Variants in EPHA6 observed in about 807,000 individuals in gnomAD.
The protein encoded by EPHA6 is EPH receptor A6, also known as ephrin type-A receptor 6.
EPHA6 carries 50 observed loss-of-function variants against 112.0 expected under a neutral mutation model. The observed-to-expected ratio is 0.45, with a 90% CI of 0.36 to 0.56. The LOEUF is 0.56. Ranked by LOEUF, EPHA6 falls within the 20% of genes least tolerant of loss-of-function variation. The pLI is 0.00. For synonymous variants in EPHA6, 529 were observed against 490.7 expected, an observed-to-expected ratio of 1.08 and a Z score of -1.03; for missense variants, 1,280 against 1,417.4, an observed-to-expected ratio of 0.90 and a Z score of 1.56.
At chr3:97,365,527 A>G (rs1316988724) in intron 5 of EPHA6, among the ~76,000 whole-genome samples, 1 of 151,940 alleles carries the variant, frequency 6.6e-6, no homozygotes, top group Non-Finnish European at 1.5e-5. Flanking sequence ...AGTAGCTGGC[A>G]CACGCCACCA....
At chr3:97,718,567 A>C (rs1211103800) in intron 14 of EPHA6, among the ~76,000 whole-genome samples, 2 of 152,138 alleles carry the variant, frequency 1.3e-5, no homozygotes, top group African/African-American at 4.8e-5. Flanking sequence ...ATTTATCTGA[A>C]ATACAAATTT....
chr3:97,184,365 G>C (rs1252915845), intron 3 of EPHA6, among the ~76,000 whole-genome samples: 1 of 151,998 alleles, frequency 6.6e-6, no homozygotes, highest in Admixed American at 6.6e-5. Context: ...TTTAAAATAT[G>C]CCATCCTCTA....
chr3:97,277,316 C>T (rs987464128), intron 5 of EPHA6, among the ~76,000 whole-genome samples: 16 of 147,186 alleles, frequency 1.1e-4, no homozygotes, highest in African/African-American at 3.0e-4. Flanking sequence ...TGTTCTCTGG[C>T]GGGAAGGGGT....
At chr3:97,225,462 A>G (rs1262158410) in intron 3 of EPHA6, among the ~76,000 whole-genome samples, 3 of 152,178 alleles carry the variant, frequency 2.0e-5, no homozygotes, top group African/African-American at 7.2e-5. Flanking sequence ...AATGTTAGCA[A>G]TGTTTCTCAT....
chr3:97,303,757 AT>A (rs1330469857), intron 5 of EPHA6, among the ~76,000 whole-genome samples: 1 of 152,174 alleles, frequency 6.6e-6, no homozygotes, highest in African/African-American at 2.4e-5. Flanking sequence ...ATTTAAAAAA[AT>A]AAATTTGGAT....
intron 2 of EPHA6, among the ~76,000 whole-genome samples, chr3:96,951,441 A>G (rs2041528470): frequency 6.6e-6 from 1 of 152,192 alleles, no homozygotes; most frequent in Non-Finnish European, 1.5e-5. Context: ...TGCTAAGAGA[A>G]TTCAAGTATT....
At chr3:97,263,480 A>C (rs545456622) in intron 5 of EPHA6, among the ~76,000 whole-genome samples, 13 of 144,812 alleles carry the variant, frequency 9.0e-5, no homozygotes, top group African/African-American at 3.5e-4. Context: ...CGCTAGGCAA[A>C]TAAGGTCTGC....
At chr3:97,199,059 G>A (rs2077513599) in intron 3 of EPHA6, among the ~76,000 whole-genome samples, 1 of 152,134 alleles carries the variant, frequency 6.6e-6, no homozygotes, top group Admixed American at 6.6e-5. Context: ...CAAGTACCTT[G>A]AATGTACTTG....
intron 11 of EPHA6, among the ~76,000 whole-genome samples, chr3:97,536,870 C>T (rs543088465): frequency 1.1e-4 from 17 of 152,162 alleles, no homozygotes; most frequent in African/African-American, 1.9e-4. Flanking sequence ...CACAAAAAAA[C>T]GAAAAGTGTA....
chr3:97,219,806 T>C (rs961445320), intron 3 of EPHA6, among the ~76,000 whole-genome samples: 3 of 152,140 alleles, frequency 2.0e-5, no homozygotes, highest in Non-Finnish European at 4.4e-5. Context: ...AGAAAATGGG[T>C]TTTTCTTTTC....
chr3:97,049,811 A>T (rs1008972133), intron 3 of EPHA6, among the ~76,000 whole-genome samples: 1 of 152,134 alleles, frequency 6.6e-6, no homozygotes, highest in Non-Finnish European at 1.5e-5. Context: ...CGGAGAACTG[A>T]TAGAATGAGA....
At position 97,702,100 on chromosome 3, in the gene EPHA6, T is replaced by C. The variant is rs2033427038; in HGVS notation, c.2785-18161T>C. ...GTAACTTGCCTGTCATATAAAGCTC[T>C]TTGAATCAGCCTGCCAAGAAAATAT... On this transcript the variant is annotated intron_variant, in intron 14 of 17. Transcript: ENST00000389672. Among the ~76,000 whole-genome samples the C allele has an allele frequency of 2.6e-5, 4 of 152,174 alleles. No individual in the cohort carries two copies. The South Asian group carries it at 8.3e-4, about 31-fold the overall frequency.
At chr3:97,091,280 A>T (rs2047057688) in intron 3 of EPHA6, among the ~76,000 whole-genome samples, 1 of 152,128 alleles carries the variant, frequency 6.6e-6, no homozygotes, top group African/African-American at 2.4e-5. Context: ...CCATTAGCTC[A>T]AAAGGGATCC....
intron 1 of EPHA6, among the ~76,000 whole-genome samples, chr3:96,832,051 A>G (rs771208709): frequency 6.6e-6 from 1 of 152,066 alleles, no homozygotes; most frequent in Non-Finnish European, 1.5e-5. Context: ...TTTATTGACA[A>G]CCTTACCATG....
At chr3:97,291,893 T>G (rs1312468460) in intron 5 of EPHA6, among the ~76,000 whole-genome samples, 1 of 152,254 alleles carries the variant, frequency 6.6e-6, no homozygotes. Flanking sequence ...GCTTAGATTT[T>G]GCTTGTGCCT....
chr3:96,904,441 A>G (rs1400265481), intron 2 of EPHA6, among the ~76,000 whole-genome samples: 2 of 119,240 alleles, frequency 1.7e-5, no homozygotes, highest in African/African-American at 6.6e-5. Flanking sequence ...GGAACATCAC[A>G]CACTGGGGTC....
intron 7 of EPHA6, among the ~76,000 whole-genome samples, chr3:97,454,660 G>A (rs764172694): frequency 1.3e-5 from 2 of 151,730 alleles, no homozygotes; most frequent in Admixed American, 6.6e-5. Context: ...TTTAGGTAGG[G>A]TAAAATGACG....
chr3:97,512,459 T>C (rs898640345), intron 10 of EPHA6, among the ~76,000 whole-genome samples: 2 of 152,148 alleles, frequency 1.3e-5, no homozygotes, highest in African/African-American at 4.8e-5. Context: ...TTTGGAAAGA[T>C]GCCTTTTCTC....
At chr3:97,643,693 G>A (rs940248430) in intron 14 of EPHA6, among the ~76,000 whole-genome samples, 57 of 152,230 alleles carry the variant, frequency 3.7e-4, no homozygotes, top group Non-Finnish European at 6.2e-4. Flanking sequence ...AAGAGACAAG[G>A]CCAATACATA....
Sources: gnomAD v4.1 joint callset for allele counts (sites outside exome capture counted in the v4.1 genomes callset) on GRCh38, gnomAD v4.1.1 for gene constraint, MANE v1.5 for transcripts, NCBI Gene and HGNC (gene_info 2026-07-23, HGNC 2026-07-21) for gene names.